Variants in IDE observed in about 807,000 individuals in gnomAD.
IDE encodes insulin degrading enzyme, also known as insulin-degrading enzyme.
IDE carries 58 observed loss-of-function variants against 133.2 expected under a neutral mutation model. The ratio of observed to expected loss-of-function variants is 0.44; its 90% CI spans 0.35 to 0.54. The LOEUF is 0.54. Ranked by LOEUF, IDE falls within the 20% of genes least tolerant of loss-of-function variation. The probability of loss-of-function intolerance (pLI) is 0.00; values close to 1 mark genes in which losing one functional copy is unlikely to be tolerated. For synonymous variants in IDE, 396 were observed against 421.3 expected, an observed-to-expected ratio of 0.94 and a Z score of 0.73; for missense variants, 981 against 1,234.0, an observed-to-expected ratio of 0.79 and a Z score of 3.07.
In IDE at chr10:92,499,492, G is replaced by C. The variant is rs571520467; in HGVS notation, c.1430+5302C>G. On this transcript the variant is annotated intron_variant, in intron 11 of 24. Coordinates refer to ENST00000265986, the MANE Select transcript of IDE (RefSeq NM_004969.4). ...CTGTTGCCCAGGCTGGAGTGCAGTG[G>C]TATGATCATGGCTCACTGCAACCTC... 4.9e-3 allele frequency among the ~76,000 whole-genome samples: 747 copies of C among 152,164 alleles called. 8 individuals carry two copies. Among genetic ancestry groups the C allele is most frequent in the African/African-American group, 0.017 (710 of 41,514 alleles).
chr10:92,569,407 C>T (rs1202438610), intron 1 of IDE, among the ~76,000 whole-genome samples: 4 of 152,192 alleles, frequency 2.6e-5, no homozygotes, highest in Non-Finnish European at 5.9e-5. Flanking sequence ...AGTAGGGAGA[C>T]AGAAGGCTGG....
intron 20 of IDE, among the ~76,000 whole-genome samples, chr10:92,465,161 C>T (rs569271298): frequency 2.6e-5 from 4 of 152,246 alleles, no homozygotes; most frequent in Admixed American, 6.5e-5. Flanking sequence ...ATCCTTTTTT[C>T]ACTGGTTCCT....
At chr10:92,573,575 G>C (rs572382897) in intron 1 of IDE, among the ~76,000 whole-genome samples, 34 of 152,224 alleles carry the variant, frequency 2.2e-4, no homozygotes, top group Non-Finnish European at 4.3e-4. Flanking sequence ...CGGACTCCGG[G>C]AGAGTGACGC....
chr10:92,558,624 C>G (rs1843125523), intron 1 of IDE, among the ~76,000 whole-genome samples: 1 of 151,812 alleles, frequency 6.6e-6, no homozygotes. Flanking sequence ...GATGGAGTTT[C>G]ACTCTCGTCA....
In IDE at chr10:92,534,712, C is replaced by G. The variant is rs61078556; in HGVS notation, c.357G>C (p.Lys119Asn). 6.2e-7 allele frequency: 1 copy of G among 1,613,716 alleles called. No individual in the cohort carries two copies. The highest frequency in any genetic ancestry group is 8.5e-7 in the Non-Finnish European group (1 of 1,179,778). The part of the protein sequence containing the change: ...FCEHMLFLGT[K>N]KYPKENEYSQ... ...TGTATTCATTTTCTTTAGGGTATTT[C>G]TTTGTTCCCAAAAAAAGCATATGTT... The change falls in exon 3 of 25, where the codon AAG (lysine) becomes AAC (asparagine). Residue 119 changes from lysine (K) to asparagine (N), a missense_variant. Coordinates refer to ENST00000265986, the MANE Select transcript of IDE (RefSeq NM_004969.4).
chr10:92,468,601 T>C (rs1589374142), intron 19 of IDE, among the ~76,000 whole-genome samples: 1 of 152,364 alleles, frequency 6.6e-6, no homozygotes, highest in East Asian at 1.9e-4. Context: ...TCAATACCTT[T>C]GTGATATTTT....
intron 8 of IDE, 141 bp from the exon 9 acceptor site, chr10:92,507,807 A>C: frequency 9.3e-6 from 6 of 647,634 alleles, no homozygotes; most frequent in Non-Finnish European, 1.7e-5. Context: ...GACTGGCTTT[A>C]CGTGTCCCAC....
intron 10 of IDE, among the ~76,000 whole-genome samples, chr10:92,506,034 A>T (rs1018088946): frequency 2.6e-5 from 4 of 152,208 alleles, no homozygotes; most frequent in Non-Finnish European, 4.4e-5. Flanking sequence ...AATAAACTAC[A>T]ATGGGGACCA....
Position 92,501,696 on chromosome 10 carries a change from C to T in IDE, c.1430+3098G>A, listed in dbSNP as rs538355361. Among the ~76,000 whole-genome samples the T allele has an allele frequency of 3.3e-5, 5 of 150,082 alleles. No individual in the cohort carries two copies. The East Asian group carries it at 8.0e-4, about 24-fold the overall frequency. On this transcript the variant is annotated intron_variant, in intron 11 of 24. Coordinates refer to ENST00000265986, the MANE Select transcript of IDE (RefSeq NM_004969.4). Reference sequence around the variant, plus strand: ...AAAAAAAAGAAAAAAGAAAAAAGGCCGGGAACGGTGACTCACGCCTGTAAT... The same window carrying T: ...AAAAAAAAGAAAAAAGAAAAAAGGCTGGGAACGGTGACTCACGCCTGTAAT...
In IDE at chr10:92,534,726, A is replaced by G. The variant is rs764266352; in HGVS notation, c.343T>C (p.Phe115Leu). Residue 115 changes from phenylalanine to leucine, a missense_variant, in exon 3 of 25, where the codon TTT becomes CTT. Coordinates refer to ENST00000265986, the MANE Select transcript of IDE (RefSeq NM_004969.4). ...GLSHFCEHML[F>L]LGTKKYPKEN... is the part of the protein sequence containing the mutation. Reference sequence around the variant, plus strand: ...TTAGGGTATTTCTTTGTTCCCAAAAAAAGCATATGTTCACAAAAATGACTT... The same window carrying G: ...TTAGGGTATTTCTTTGTTCCCAAAAGAAGCATATGTTCACAAAAATGACTT... 6.2e-7 allele frequency: 1 copy of G among 1,613,996 alleles called. No homozygotes were observed. The highest frequency in any genetic ancestry group is 1.1e-5 in the South Asian group (1 of 91,078).
At chr10:92,562,720 A>G (rs1843335457) in intron 1 of IDE, among the ~76,000 whole-genome samples, 1 of 152,264 alleles carries the variant, frequency 6.6e-6, no homozygotes, top group African/African-American at 2.4e-5. Context: ...AGAGTAGCCC[A>G]ACAATGGGAA....
At chr10:92,510,538 T>A (rs1848525272) in intron 5 of IDE, among the ~76,000 whole-genome samples, 1 of 152,050 alleles carries the variant, frequency 6.6e-6, no homozygotes, top group Non-Finnish European at 1.5e-5. Flanking sequence ...TTTAAATGTA[T>A]TTGCATTTTA....
At position 92,524,501 on chromosome 10, in the gene IDE, T is replaced by TTA. The variant is rs1849500661; in HGVS notation, c.661+7245_661+7246dup. On this transcript the variant is annotated intron_variant, in intron 4 of 24. Coordinates refer to ENST00000265986, the MANE Select transcript of IDE (RefSeq NM_004969.4). The stretch of plus-strand genomic sequence containing the variant: ...AATATATATTATATTATAATATATT[T>TTA]TATATAATATATAATATATATTATA... 2.4e-5 allele frequency among the ~76,000 whole-genome samples: 2 copies of TTA among 83,148 alleles called. 1 individual carries two copies. Among genetic ancestry groups the TTA allele is most frequent in the East Asian group, 5.4e-4 (2 of 3,722 alleles). The allele number at this position is 83,148 out of a possible 152,430, so 54.5% of individuals were successfully genotyped here. A position where few individuals can be genotyped will look rare whatever the true frequency, so the allele number is the denominator to read the frequency against.
chr10:92,560,575 G>A lies in IDE; in HGVS notation c.98+13347C>T, dbSNP rs1843229323. 2.6e-5 allele frequency among the ~76,000 whole-genome samples: 4 copies of A among 151,920 alleles called. No homozygotes were observed. In the South Asian group the frequency reaches 8.3e-4, roughly 32 times the overall value. On this transcript the variant is annotated intron_variant, in intron 1 of 24. Transcript: ENST00000265986. ...TAGCACGTGGATCACCTGAGGACAG[G>A]AGTTCAAGACGAGCCTGTTCAACAA...
intron 15 of IDE, among the ~76,000 whole-genome samples, chr10:92,477,911 G>A (rs1377817823): frequency 2.0e-5 from 3 of 152,042 alleles, no homozygotes; most frequent in Non-Finnish European, 4.4e-5. Flanking sequence ...ATTTATTTAT[G>A]TGAAGAAAAA....
At chr10:92,573,886 C>A (rs2135871273) in intron 1 of IDE, 36 bp downstream of exon 1, 1 of 1,391,312 alleles carries the variant, frequency 7.2e-7, no homozygotes. Flanking sequence ...CTGTGACCCA[C>A]GGGGCCCGAG....
At chr10:92,573,188 G>C (rs990061938) in intron 1 of IDE, 5 of 985,312 alleles carry the variant, frequency 5.1e-6, no homozygotes, top group Non-Finnish European at 2.4e-6. Flanking sequence ...CGGTGCAGTG[G>C]AGAGGGCACG....
chr10:92,508,026 T>C, intron 8 of IDE, 87 bp downstream of exon 8: 2 of 938,178 alleles, frequency 2.1e-6, no homozygotes, highest in Non-Finnish European at 3.4e-6. Flanking sequence ...GCTTTCAACA[T>C]AAAACAGATC....
intron 1 of IDE, among the ~76,000 whole-genome samples, chr10:92,572,037 C>G (rs1189205053): frequency 6.6e-6 from 1 of 152,218 alleles, no homozygotes; most frequent in Non-Finnish European, 1.5e-5. Flanking sequence ...GCTGGCTCAT[C>G]TCATTCATTA....
Sources: allele counts gnomAD v4.1 joint callset (sites outside exome capture counted in the v4.1 genomes callset), GRCh38; gene constraint gnomAD v4.1.1; transcripts MANE v1.5; gene names NCBI Gene and HGNC (gene_info 2026-07-23, HGNC 2026-07-21).